Variants in NNMT observed in about 807,000 individuals in gnomAD.
NNMT encodes the protein nicotinamide N-methyltransferase.
In NNMT, 10 loss-of-function variants were observed where a neutral mutation model predicts 11.7. The observed-to-expected ratio is 0.85, with a 90% CI of 0.53 to 1.45. NNMT has a LOEUF of 1.45. Ranked by LOEUF, NNMT falls within the 40% of genes most tolerant of loss-of-function variation. The pLI is 0.00. For synonymous variants in NNMT, 143 were observed against 133.8 expected, an observed-to-expected ratio of 1.07 and a Z score of -0.48; for missense variants, 381 against 319.4, an observed-to-expected ratio of 1.19 and a Z score of -1.47.
chr11:114,275,673 A>C (rs1271389649), intron 2 of NNMT, among the ~76,000 whole-genome samples: 2 of 152,094 alleles, frequency 1.3e-5, no homozygotes, highest in Non-Finnish European at 2.9e-5. Context: ...TTGTGTTAGA[A>C]TATTCTGATA....
intron 2 of NNMT, among the ~76,000 whole-genome samples, chr11:114,274,155 G>T (rs889346222): frequency 1.3e-5 from 2 of 152,180 alleles, no homozygotes. Flanking sequence ...ATTCCCAAGT[G>T]GTTGACTCTC....
intron 2 of NNMT, among the ~76,000 whole-genome samples, chr11:114,268,691 C>T (rs1945143140): frequency 6.6e-6 from 1 of 150,704 alleles, no homozygotes; most frequent in Non-Finnish European, 1.5e-5. Context: ...ATGGCGTGAA[C>T]CTGGGAGGCG....
upstream of NNMT, among the ~76,000 whole-genome samples, chr11:114,293,486 A>T (rs963755528): frequency 1.3e-5 from 2 of 151,424 alleles, no homozygotes; most frequent in Admixed American, 6.6e-5. Context: ...TTTTCTCCAT[A>T]TCCTTGCCAG....
chr11:114,294,477 C>CAAAAAAA (rs60331768), upstream of NNMT, among the ~76,000 whole-genome samples: 1 of 123,440 alleles, frequency 8.1e-6, no homozygotes, highest in Non-Finnish European at 1.6e-5. Flanking sequence ...GACTCCACAT[C>CAAAAAAA]AAAAAAAAAA....
intron 2 of NNMT, among the ~76,000 whole-genome samples, chr11:114,281,446 G>A (rs1243678928): frequency 1.3e-5 from 2 of 152,096 alleles, no homozygotes; most frequent in Admixed American, 1.3e-4. Flanking sequence ...ACCTAGCCCT[G>A]GGGGTATGGT....
At chr11:114,295,658 T>C (rs1945369275), upstream of NNMT, among the ~76,000 whole-genome samples, 1 of 152,100 alleles carries the variant, frequency 6.6e-6, no homozygotes. Flanking sequence ...CTCGATCTCC[T>C]GACCTCGTGA....
chr11:114,277,379 A>G (rs930073458), intron 2 of NNMT, among the ~76,000 whole-genome samples: 2 of 152,212 alleles, frequency 1.3e-5, no homozygotes, highest in African/African-American at 4.8e-5. Flanking sequence ...GTTTTGGCTG[A>G]CTTTATATAT....
At chr11:114,286,231 G>A (rs762816172) in intron 2 of NNMT, among the ~76,000 whole-genome samples, 59 of 152,302 alleles carry the variant, frequency 3.9e-4, no homozygotes, top group African/African-American at 1.3e-3. Context: ...TGCTTGTTTC[G>A]AGGGACTCTG....
intron 2 of NNMT, among the ~76,000 whole-genome samples, chr11:114,284,437 A>G (rs1436112308): frequency 6.6e-6 from 1 of 152,150 alleles, no homozygotes; most frequent in Non-Finnish European, 1.5e-5. Flanking sequence ...CTTCACCCCA[A>G]CATGGTTTTT....
intron 2 of NNMT, among the ~76,000 whole-genome samples, chr11:114,309,607 G>A (rs2852446): frequency 0.96 from 146,438 of 152,248 alleles, 70,697 homozygotes; most frequent in Middle Eastern, 1. Context: ...CTTTTAATAT[G>A]ACAGCTTATT....
chr11:114,297,478 G>A (rs1203766965), intron 1 of NNMT: 1 of 108,334 alleles, frequency 9.2e-6, no homozygotes, highest in African/African-American at 3.4e-5. Flanking sequence ...GGGAAAATAT[G>A]GGATTTTTTT....
At position 114,284,556 on chromosome 11, in the gene NNMT, T is replaced by C. The variant is rs184123253; in HGVS notation, c.-129-11872T>C. 9.7e-4 allele frequency among the ~76,000 whole-genome samples: 147 copies of C among 152,104 alleles called. 1 individual carries two copies. In the South Asian group the frequency reaches 0.015, roughly 16 times the overall value. The stretch of plus-strand genomic sequence containing the variant: ...TTGGCTCACTGCAACCTCCGCCTCC[T>C]GGGTTCAAGCAATTCTCCTGCCTCA... On this transcript the variant is annotated intron_variant, in intron 2 of 4. Transcript: ENST00000535401.
intron 2 of NNMT, among the ~76,000 whole-genome samples, chr11:114,301,188 G>A (rs146304282): frequency 6.6e-5 from 10 of 152,206 alleles, no homozygotes; most frequent in East Asian, 5.8e-4. Context: ...AAGACAATTC[G>A]ACTATTCCTT....
intron 2 of NNMT, among the ~76,000 whole-genome samples, chr11:114,308,172 C>T (rs150236023): frequency 1.3e-5 from 2 of 152,294 alleles, no homozygotes; most frequent in East Asian, 3.9e-4. Flanking sequence ...ATATCATTCA[C>T]CTGATTCGGG....
chr11:114,297,710 C>A (rs991171294), intron 1 of NNMT, among the ~76,000 whole-genome samples: 1 of 152,152 alleles, frequency 6.6e-6, no homozygotes, highest in African/African-American at 2.4e-5. Flanking sequence ...TGGTCTCATC[C>A]TCCAGGCCTC....
intron 2 of NNMT, among the ~76,000 whole-genome samples, chr11:114,290,027 C>G (rs1464852563): frequency 1.3e-5 from 2 of 152,182 alleles, no homozygotes; most frequent in Admixed American, 1.3e-4. Context: ...GGGCCTATTT[C>G]ATAAGGGCAC....
chr11:114,261,419 TA>T (rs1248094211), intron 1 of NNMT, among the ~76,000 whole-genome samples: 1 of 152,044 alleles, frequency 6.6e-6, no homozygotes, highest in Non-Finnish European at 1.5e-5. Context: ...CCATCTCTAC[TA>T]AAAATAAAAA....
At chr11:114,284,764 CTT>C (rs11415162) in intron 2 of NNMT, among the ~76,000 whole-genome samples, 12 of 90,362 alleles carry the variant, frequency 1.3e-4, no homozygotes, top group Admixed American at 1.6e-4. Flanking sequence ...ACCCGGCCAT[CTT>C]TTTTTTTTTT....
chr11:114,295,643 A>C (rs1347223321), upstream of NNMT, among the ~76,000 whole-genome samples: 1 of 151,256 alleles, frequency 6.6e-6, no homozygotes, highest in Admixed American at 6.6e-5. Context: ...GTTAGCCAGG[A>C]TGGTCTCGAT....
Sources: gnomAD v4.1 joint callset for allele counts (sites outside exome capture counted in the v4.1 genomes callset) on GRCh38, gnomAD v4.1.1 for gene constraint, MANE v1.5 for transcripts, NCBI Gene and HGNC (gene_info 2026-07-23, HGNC 2026-07-21) for gene names.